Variants in DAW1 observed in about 807,000 individuals in gnomAD.
DAW1 encodes dynein assembly factor with WD repeat domains 1.
DAW1 carries 47 observed loss-of-function variants against 56.5 expected under a neutral mutation model. That is an observed-to-expected ratio of 0.83 (90% CI 0.66 to 1.06). The LOEUF is 1.06. Ranked by LOEUF, DAW1 falls within the 50% of genes least tolerant of loss-of-function variation. DAW1 has a pLI of 0.00. For missense variants in DAW1, 505 were observed against 499.3 expected, an observed-to-expected ratio of 1.01 and a Z score of -0.11; for synonymous variants, 190 against 179.0, an observed-to-expected ratio of 1.06 and a Z score of -0.49.
intron 6 of DAW1, among the ~76,000 whole-genome samples, chr2:227,902,350 C>G (rs1284592192): frequency 6.6e-6 from 1 of 152,060 alleles, no homozygotes; most frequent in Non-Finnish European, 1.5e-5. Flanking sequence ...AGGAGTGATG[C>G]TTCCGGGGTG....
intron 12 of DAW1, 91 bp from the exon 13 acceptor site, chr2:227,923,843 C>A (rs192978766): frequency 2.1e-4 from 316 of 1,502,610 alleles, no homozygotes; most frequent in Non-Finnish European, 2.4e-4. Flanking sequence ...TTGTTAATTA[C>A]CAATGGCCCA....
intron 2 of DAW1, 52 bp downstream of exon 2, chr2:227,885,475 A>G: frequency 7.1e-7 from 1 of 1,407,022 alleles, no homozygotes; most frequent in South Asian, 1.3e-5. Flanking sequence ...AAGCCTTGAC[A>G]CAGAGTGATG....
At position 227,906,297 on chromosome 2, in the gene DAW1, T is replaced by C. The variant is rs373810395; in HGVS notation, c.817T>C (p.Cys273Arg). 1 of 1,613,260 alleles carries C rather than the reference T, an allele frequency of 6.2e-7. No homozygotes were observed. Among genetic ancestry groups the C allele is most frequent in the Non-Finnish European group, 8.5e-7 (1 of 1,179,532 alleles). The change falls in exon 9 of 13, where the codon TGC becomes CGC. Residue 273 changes from cysteine to arginine, a missense_variant. Cys to Arg is a radical substitution (Grantham distance 180, BLOSUM62 -3). Transcript: ENST00000309931. ...TAGCAGTGCCTCATTCAATTGGGAT[T>C]GCTCTCTAATATTAACTGGCTCTAT... Reference protein sequence around the residue: ...EISSASFNWDCSLILTGSMDK... With the variant: ...EISSASFNWDRSLILTGSMDK...
chr2:227,911,035 C>T (rs1691802198), intron 10 of DAW1, among the ~76,000 whole-genome samples: 2 of 151,866 alleles, frequency 1.3e-5, no homozygotes, highest in South Asian at 4.1e-4. Context: ...TGCATTATCT[C>T]TCTGACAACC....
At chr2:227,907,085 C>A in intron 9 of DAW1, 53 bp from the exon 10 acceptor site, 1 of 1,370,806 alleles carries the variant, frequency 7.3e-7, no homozygotes, top group Non-Finnish European at 1.0e-6. Context: ...CTTCACACTT[C>A]AGACAGAAAG....
At chr2:227,876,560 C>A in intron 1 of DAW1, 1 of 1,234,590 alleles carries the variant, frequency 8.1e-7, no homozygotes, top group South Asian at 1.3e-5. Flanking sequence ...TCCCGTGCTA[C>A]CTTTATCCCT....
chr2:227,880,404 G>T (rs1690983402), intron 1 of DAW1, among the ~76,000 whole-genome samples: 1 of 149,530 alleles, frequency 6.7e-6, no homozygotes. Flanking sequence ...TTTTACTCTA[G>T]GGAAATAAGT....
chr2:227,924,249 G>A lies in DAW1; in HGVS notation c.*281G>A. 2.3e-6 allele frequency: 1 copy of A among 426,160 alleles called. No individual in the cohort carries two copies. The highest frequency in any genetic ancestry group is 4.2e-6 in the Non-Finnish European group (1 of 236,930). 26.4% of individuals were successfully genotyped at this position (426,160 alleles called of 1,614,324 possible). A position where few individuals can be genotyped will look rare whatever the true frequency, so the allele number is the denominator to read the frequency against. On this transcript the variant is annotated 3_prime_UTR_variant, in exon 13 of 13. Coordinates refer to ENST00000309931, the MANE Select transcript of DAW1 (RefSeq NM_178821.3). ...TGTTTTTTAAAAGCATTATGATACT[G>A]AAAAAGGAGACCAGAACAACTTAAC...
At chr2:227,904,422 C>G (rs1309217154) in intron 7 of DAW1, among the ~76,000 whole-genome samples, 1 of 152,090 alleles carries the variant, frequency 6.6e-6, no homozygotes, top group Non-Finnish European at 1.5e-5. Flanking sequence ...CAGTAACCAG[C>G]TGAAAGTCAG....
In DAW1 at chr2:227,924,121, A is replaced by G. The variant is rs1332976256; in HGVS notation, c.*153A>G. The G allele has an allele frequency of 7.0e-6, 6 of 862,186 alleles. No homozygotes were observed. The highest frequency in any genetic ancestry group is 1.7e-5 in the African/African-American group (1 of 58,744). 53.4% of individuals were successfully genotyped at this position (862,186 alleles called of 1,614,324 possible). A position where few individuals can be genotyped will look rare whatever the true frequency, so the allele number is the denominator to read the frequency against. ...TGTCCTTCATTTCACAGATATGACC[A>G]TTAAACATGACAAAGTTATGCCACT... On this transcript the variant is annotated 3_prime_UTR_variant, in exon 13 of 13. Coordinates refer to ENST00000309931, the MANE Select transcript of DAW1 (RefSeq NM_178821.3).
chr2:227,918,694 G>T (rs16824212), intron 10 of DAW1, 86 bp from the exon 11 acceptor site: 81,361 of 1,410,744 alleles, frequency 0.058, 2,648 homozygotes, highest in Middle Eastern at 0.083. Flanking sequence ...GTGTCAGGGG[G>T]ATATATATTT....
At position 227,911,334 on chromosome 2, in the gene DAW1, GTA is replaced by G. The variant is rs577818752; in HGVS notation, c.973+4089_973+4090del. ...TAAGCATATATACATATATACATGTGTATATATACACATGTGTATATATAAAA... is the reference window on the plus strand; with the variant it reads ...TAAGCATATATACATATATACATGTGTATATACACATGTGTATATATAAAA... On this transcript the variant is annotated intron_variant, in intron 10 of 12. Coordinates refer to ENST00000309931, the MANE Select transcript of DAW1 (RefSeq NM_178821.3). Among the ~76,000 whole-genome samples, 223 of 72,248 alleles carry G rather than the reference GTA, an allele frequency of 3.1e-3. 1 individual carries two copies. The highest frequency in any genetic ancestry group is 9.3e-3 in the African/African-American group (208 of 22,328). The allele number at this position is 72,248 out of a possible 152,430, so 47.4% of individuals were successfully genotyped here.
chr2:227,894,285 G>A (rs548821941), intron 5 of DAW1, among the ~76,000 whole-genome samples: 42 of 152,108 alleles, frequency 2.8e-4, no homozygotes, highest in African/African-American at 6.0e-4. Flanking sequence ...GTATGGTGGC[G>A]CATGCCTGTA....
chr2:227,891,855 C>A (rs1691273746), intron 4 of DAW1, among the ~76,000 whole-genome samples: 1 of 152,176 alleles, frequency 6.6e-6, no homozygotes, highest in Non-Finnish European at 1.5e-5. Context: ...GCTTACACAA[C>A]CAAAATGTAT....
rs565926199 is a variant in DAW1, at chr2:227,886,173, T to C, written c.113+750T>C. Among the ~76,000 whole-genome samples the C allele has an allele frequency of 2.6e-5, 4 of 152,246 alleles. No individual in the cohort carries two copies. In the East Asian group the frequency reaches 7.7e-4, roughly 29 times the overall value. ...CTGAGCCTGTTATTTTCTTATTAAATACTTCATAGGGCTGACTGCATATGT... is the reference window on the plus strand; with the variant it reads ...CTGAGCCTGTTATTTTCTTATTAAACACTTCATAGGGCTGACTGCATATGT... On this transcript the variant is annotated intron_variant, in intron 2 of 12. Transcript: ENST00000309931.
intron 1 of DAW1, 146 bp downstream of exon 1, chr2:227,871,875 C>A: frequency 1.1e-6 from 1 of 949,952 alleles, no homozygotes; most frequent in Non-Finnish European, 1.6e-6. Flanking sequence ...AACCTGTGCC[C>A]CTCATTCCTT....
intron 1 of DAW1, among the ~76,000 whole-genome samples, chr2:227,873,618 T>C (rs12468430): frequency 0.48 from 73,107 of 152,044 alleles, 17,789 homozygotes; most frequent in Admixed American, 0.58. Flanking sequence ...TTCTCCTTCA[T>C]AGAATTCCAG....
At chr2:227,871,824 C>A (rs1690757121) in intron 1 of DAW1, 95 bp downstream of exon 1, 1 of 1,537,352 alleles carries the variant, frequency 6.5e-7, no homozygotes, top group Admixed American at 1.9e-5. Context: ...CACTGAAAGG[C>A]GGCGGGGTCC....
chr2:227,896,813 G>C (rs1340165120), intron 5 of DAW1, among the ~76,000 whole-genome samples: 2 of 151,944 alleles, frequency 1.3e-5, no homozygotes. Flanking sequence ...ATAGATATCA[G>C]TCAAGAAACA....
Sources: gnomAD v4.1 joint callset for allele counts (sites outside exome capture counted in the v4.1 genomes callset) on GRCh38, gnomAD v4.1.1 for gene constraint, MANE v1.5 for transcripts, NCBI Gene and HGNC (gene_info 2026-07-23, HGNC 2026-07-21) for gene names.